The following TRPM3 variants were observed in gnomAD, a reference collection of about 807,000 sequenced individuals.
TRPM3 encodes long transient receptor potential channel 3.
In TRPM3, 77 loss-of-function variants were observed where a neutral mutation model predicts 181.2. That is an observed-to-expected ratio of 0.42 (90% CI 0.35 to 0.51). The LOEUF (loss-of-function observed/expected upper bound fraction) is 0.51. Among genes scored for constraint, TRPM3 ranks in the 20% least tolerant of loss-of-function variants. TRPM3 has a pLI of 0.01. For synonymous variants in TRPM3, 745 were observed against 796.4 expected (o/e 0.94, Z 1.09); for missense variants, 1,759 against 2,196.7 (o/e 0.80, Z 3.98).
intron 21 of TRPM3, among the ~76,000 whole-genome samples, chr9:70,597,781 G>A (rs1387824012): frequency 6.6e-6 from 1 of 152,198 alleles, no homozygotes; most frequent in Non-Finnish European, 1.5e-5. Context: ...TTCCAGTAGT[G>A]TAACAAACAC....
intron 1 of TRPM3, among the ~76,000 whole-genome samples, chr9:70,967,672 G>A (rs1464476223): frequency 1.3e-5 from 2 of 152,044 alleles, no homozygotes; most frequent in East Asian, 3.9e-4. Flanking sequence ...AATTATTTGG[G>A]ACCCCTCTCC....
At chr9:71,003,535 C>A (rs1368083949) in intron 1 of TRPM3, among the ~76,000 whole-genome samples, 1 of 151,802 alleles carries the variant, frequency 6.6e-6, no homozygotes, top group East Asian at 1.9e-4. Context: ...CAAGGTGGAA[C>A]CACTGTGCTT....
chr9:70,832,148 G>C (rs1370169694), intron 5 of TRPM3, among the ~76,000 whole-genome samples: 1 of 117,564 alleles, frequency 8.5e-6, no homozygotes, highest in Admixed American at 9.2e-5. Flanking sequence ...GTTGTGGGGT[G>C]GGGGGAGGGG....
chr9:70,802,121 T>C (rs1002886818), intron 6 of TRPM3, among the ~76,000 whole-genome samples: 2 of 152,168 alleles, frequency 1.3e-5, no homozygotes, highest in Non-Finnish European at 2.9e-5. Context: ...GAGAACAGTG[T>C]CCTAGCGTAA....
intron 3 of TRPM3, among the ~76,000 whole-genome samples, chr9:70,855,880 A>G (rs374340720): frequency 6.6e-6 from 1 of 150,766 alleles, no homozygotes; most frequent in Non-Finnish European, 1.5e-5. Flanking sequence ...AGATAAAAAA[A>G]TATCCTTAGA....
chr9:71,140,794 T>G (rs1028416063), intron 1 of TRPM3, among the ~76,000 whole-genome samples: 1 of 152,130 alleles, frequency 6.6e-6, no homozygotes, highest in Non-Finnish European at 1.5e-5. Flanking sequence ...AAATACCATA[T>G]AGTAATATAC....
At chr9:70,864,534 AAAAAAAAG>A in intron 1 of TRPM3, 23 bp from the exon 2 acceptor site, 6 of 1,465,682 alleles carry the variant, frequency 4.1e-6, no homozygotes, top group Non-Finnish European at 4.5e-6. Context: ...ACAAAAAAAA[AAAAAAAAG>A]AAAAAAGAAA....
At chr9:70,654,745 C>T (rs865916592) in intron 9 of TRPM3, among the ~76,000 whole-genome samples, 9 of 149,922 alleles carry the variant, frequency 6.0e-5, no homozygotes, top group East Asian at 2.0e-4. Flanking sequence ...TGCAGTGGCG[C>T]GATCTTGGCT....
intron 11 of TRPM3, 133 bp from the exon 12 acceptor site, chr9:70,635,394 C>T (rs2056994483): frequency 1.6e-6 from 1 of 641,028 alleles, no homozygotes; most frequent in Non-Finnish European, 2.7e-6. Context: ...TCTAGTTGCT[C>T]AGTGTATCTG....
intron 1 of TRPM3, among the ~76,000 whole-genome samples, chr9:71,088,849 T>C (rs937713511): frequency 4.6e-5 from 7 of 151,856 alleles, no homozygotes; most frequent in Admixed American, 6.6e-5. Context: ...TATTCACACT[T>C]GCACATTGAG....
chr9:70,942,472 C>T (rs978691864), intron 1 of TRPM3, among the ~76,000 whole-genome samples: 2 of 152,170 alleles, frequency 1.3e-5, no homozygotes, highest in African/African-American at 4.8e-5. Context: ...GTACATTGCA[C>T]AAGTTATTTA....
chr9:70,928,216 C>T (rs1212461553), intron 1 of TRPM3, among the ~76,000 whole-genome samples: 1 of 152,164 alleles, frequency 6.6e-6, no homozygotes, highest in Non-Finnish European at 1.5e-5. Context: ...TCAGTTTCCT[C>T]ATCTGTGAAA....
At chr9:70,650,362 C>T (rs1305689119) in intron 9 of TRPM3, among the ~76,000 whole-genome samples, 2 of 152,114 alleles carry the variant, frequency 1.3e-5, no homozygotes, top group Admixed American at 6.5e-5. Flanking sequence ...AATTTTTCCC[C>T]TCATAAAAGA....
chr9:70,746,250 C>T lies in TRPM3; in HGVS notation c.1272+15351G>A, dbSNP rs557710859. Among the ~76,000 whole-genome samples the T allele has an allele frequency of 1.1e-3, 137 of 125,482 alleles. 1 individual carries two copies. The highest frequency in any genetic ancestry group is 4.0e-3 in the African/African-American group (134 of 33,264). The allele number at this position is 125,482 out of a possible 152,430, so 82.3% of individuals were successfully genotyped here. A position where few individuals can be genotyped will look rare whatever the true frequency, so the allele number is the denominator to read the frequency against. On this transcript the variant is annotated intron_variant, in intron 8 of 25. Transcript: ENST00000677713. ...CTTTCTCAGATACAGACAGGATGCC[C>T]ATTTGAAAAACAAAAACAGAGAGAG...
In TRPM3 at chr9:70,657,197, GTAAAAAAA is replaced by G. The variant is rs1459872039; in HGVS notation, c.1346-16545_1346-16538del. Among the ~76,000 whole-genome samples the G allele has an allele frequency of 1.1e-3, 105 of 98,468 alleles. 1 individual carries two copies. The highest frequency in any genetic ancestry group is 4.7e-3 in the African/African-American group (100 of 21,142). 64.6% of individuals were successfully genotyped at this position (98,468 alleles called of 152,430 possible). ...GGTCTTTCTACACATTGGGCTTGAG[GTAAAAAAA>G]AAAAAAAAAAAAAGCTTGTACACCA... On this transcript the variant is annotated intron_variant, in intron 9 of 25. Transcript: ENST00000677713.
At chr9:70,946,420 C>T (rs888070140) in intron 1 of TRPM3, among the ~76,000 whole-genome samples, 9 of 146,622 alleles carry the variant, frequency 6.1e-5, no homozygotes, top group Non-Finnish European at 8.9e-5. Flanking sequence ...TCAGTTTCCT[C>T]CTCTGTTAAA....
At chr9:70,886,945 G>T (rs907638384) in intron 1 of TRPM3, among the ~76,000 whole-genome samples, 1 of 152,298 alleles carries the variant, frequency 6.6e-6, no homozygotes, top group East Asian at 1.9e-4. Context: ...GATTACAGGT[G>T]TGAACCACCG....
At chr9:71,409,932 T>C (rs925516215) in intron 1 of TRPM3, among the ~76,000 whole-genome samples, 1 of 152,062 alleles carries the variant, frequency 6.6e-6, no homozygotes, top group Non-Finnish European at 1.5e-5. Context: ...TGCAATCAAA[T>C]TGGAACTCAG....
intron 1 of TRPM3, among the ~76,000 whole-genome samples, chr9:71,311,536 T>C (rs2087929984): frequency 6.6e-6 from 1 of 152,124 alleles, no homozygotes; most frequent in African/African-American, 2.4e-5. Context: ...CAACAAATGG[T>C]ACTGGAACAA....
Sources: allele counts gnomAD v4.1 joint callset (sites outside exome capture counted in the v4.1 genomes callset), GRCh38; gene constraint gnomAD v4.1.1; transcripts MANE v1.5; gene names NCBI Gene and HGNC (gene_info 2026-07-23, HGNC 2026-07-21).